DNAAF9: variants seen among roughly 807,000 people sequenced by gnomAD.
The protein encoded by DNAAF9 is shulin.
DNAAF9 carries 90 observed loss-of-function variants against 167.0 expected under a neutral mutation model. The ratio of observed to expected loss-of-function variants is 0.54; its 90% CI spans 0.45 to 0.64. The LOEUF (loss-of-function observed/expected upper bound fraction) is 0.64. DNAAF9 is among the 30% of genes least tolerant of loss of function. The pLI is 0.00. For missense variants in DNAAF9, 1,315 were observed against 1,442.2 expected (o/e 0.91, Z 1.43); for synonymous variants, 491 against 508.8 (o/e 0.96, Z 0.47).
chr20:3,397,600 G>C (rs576119573), intron 1 of DNAAF9, among the ~76,000 whole-genome samples: 30 of 152,296 alleles, frequency 2.0e-4, no homozygotes, highest in African/African-American at 7.2e-4. Flanking sequence ...TTACAGGCGT[G>C]AGCCACCACG....
At chr20:3,293,380 A>G (rs2069001496) in intron 25 of DNAAF9, among the ~76,000 whole-genome samples, 1 of 150,304 alleles carries the variant, frequency 6.7e-6, no homozygotes, top group Non-Finnish European at 1.5e-5. Context: ...GTGAGGCAAG[A>G]GCAGATTAAA....
intron 10 of DNAAF9, among the ~76,000 whole-genome samples, chr20:3,334,460 T>C (rs1287984806): frequency 6.6e-6 from 1 of 152,242 alleles, no homozygotes; most frequent in Non-Finnish European, 1.5e-5. Context: ...ATAGCATCCA[T>C]TCACTTACTG....
chr20:3,398,727 G>A (rs1205136520), intron 1 of DNAAF9, among the ~76,000 whole-genome samples: 3 of 152,218 alleles, frequency 2.0e-5, no homozygotes, highest in African/African-American at 7.2e-5. Context: ...CATTAATCTA[G>A]ACTTTCGGTG....
chr20:3,383,734 C>G (rs1478468359), intron 1 of DNAAF9, among the ~76,000 whole-genome samples: 1 of 152,042 alleles, frequency 6.6e-6, no homozygotes, highest in Non-Finnish European at 1.5e-5. Flanking sequence ...CACCTCAAAA[C>G]TGTATTTACA....
intron 1 of DNAAF9, among the ~76,000 whole-genome samples, chr20:3,383,925 A>G (rs1325448914): frequency 2.0e-5 from 3 of 151,880 alleles, no homozygotes; most frequent in African/African-American, 7.3e-5. Context: ...CAGTCCCCCA[A>G]GTAGCTGGGA....
At chr20:3,367,437 T>C (rs952005227) in intron 6 of DNAAF9, among the ~76,000 whole-genome samples, 27 of 152,208 alleles carry the variant, frequency 1.8e-4, no homozygotes, top group Admixed American at 4.6e-4. Context: ...GTGCAAGAGG[T>C]CTAGCTTTCA....
chr20:3,405,853 A>G (rs1401191359), intron 1 of DNAAF9, among the ~76,000 whole-genome samples: 1 of 152,210 alleles, frequency 6.6e-6, no homozygotes, highest in Non-Finnish European at 1.5e-5. Context: ...GCCTAGATTT[A>G]ACGGATGGCT....
chr20:3,279,788 G>A (rs140231024), intron 28 of DNAAF9, among the ~76,000 whole-genome samples: 316 of 152,336 alleles, frequency 2.1e-3, no homozygotes, highest in African/African-American at 6.8e-3. Context: ...CAGCTGGGAG[G>A]CAGCAGGGCT....
At chr20:3,260,066 G>A (rs900049860) in intron 31 of DNAAF9, 38 bp from the exon 32 acceptor site, 10 of 1,261,286 alleles carry the variant, frequency 7.9e-6, no homozygotes, top group East Asian at 2.3e-5. Flanking sequence ...CAGGCCGGGC[G>A]CGGTGGCTCA....
chr20:3,362,449 C>A, intron 6 of DNAAF9: 1 of 405,666 alleles, frequency 2.5e-6, no homozygotes, highest in Non-Finnish European at 4.3e-6. Flanking sequence ...TATTATTATT[C>A]TTAGAAGTAC....
chr20:3,262,869 T>A (rs1364094835), intron 31 of DNAAF9, among the ~76,000 whole-genome samples: 1 of 151,680 alleles, frequency 6.6e-6, no homozygotes, highest in Non-Finnish European at 1.5e-5. Flanking sequence ...ATGATTCAAA[T>A]CAGAGATTCC....
rs534315325 is a variant in DNAAF9, at chr20:3,303,654, G to A, written c.1782+786C>T. 2.6e-5 allele frequency among the ~76,000 whole-genome samples: 4 copies of A among 152,294 alleles called. No homozygotes were observed. The South Asian group carries it at 6.2e-4, about 24-fold the overall frequency. The stretch of plus-strand genomic sequence containing the variant: ...GAAGAAAAACTTGCTCACAGAATTC[G>A]TTTTCTGAGCCATCTGACCAAAATA... On this transcript the variant is annotated intron_variant, in intron 21 of 36. Coordinates refer to ENST00000252032, the MANE Select transcript of DNAAF9 (RefSeq NM_001009984.3).
Position 3,253,725 on chromosome 20 carries a change from C to T in DNAAF9, c.3421+1G>A, listed in dbSNP as rs1790768675. On this transcript the variant is annotated splice_donor_variant, in intron 36 of 36. Transcript: ENST00000252032. LOFTEE classifies it high-confidence loss of function. ...CAGGGACCACGCTGTTCCAAGGATA[C>T]GTGGGTGAAAATCAGTTTTGTCACC... 4 of 1,585,554 alleles carry T rather than the reference C, an allele frequency of 2.5e-6. No homozygotes were observed. The highest frequency in any genetic ancestry group is 3.3e-4 in the Middle Eastern group (2 of 6,018).
chr20:3,372,800 A>AC (rs201430680), intron 6 of DNAAF9, among the ~76,000 whole-genome samples: 1 of 152,058 alleles, frequency 6.6e-6, no homozygotes, highest in African/African-American at 2.4e-5. Flanking sequence ...TACTATACCT[A>AC]CCTCAGAGGG....
intron 16 of DNAAF9, among the ~76,000 whole-genome samples, chr20:3,321,755 T>A (rs762837244): frequency 3.9e-5 from 6 of 152,040 alleles, no homozygotes; most frequent in Non-Finnish European, 1.5e-5. Flanking sequence ...TTTTTTTTTT[T>A]AGACACGGGG....
At chr20:3,396,311 A>C (rs2083906268) in intron 1 of DNAAF9, among the ~76,000 whole-genome samples, 1 of 152,236 alleles carries the variant, frequency 6.6e-6, no homozygotes. Flanking sequence ...AAATCAAAGC[A>C]GTTTTCTCTC....
At chr20:3,280,582 AT>A (rs1301485410) in intron 28 of DNAAF9, among the ~76,000 whole-genome samples, 1 of 146,594 alleles carries the variant, frequency 6.8e-6, no homozygotes, top group Admixed American at 6.8e-5. Context: ...AAAAAAAAAA[AT>A]TTAAACAATG....
chr20:3,332,432 G>T, intron 10 of DNAAF9, 71 bp from the exon 11 acceptor site: 2 of 756,462 alleles, frequency 2.6e-6, no homozygotes, highest in Non-Finnish European at 4.6e-6. Flanking sequence ...TAAACAAAAA[G>T]TATAGAGTCA....
At chr20:3,262,413 G>A (rs1386702254) in intron 31 of DNAAF9, among the ~76,000 whole-genome samples, 1 of 151,938 alleles carries the variant, frequency 6.6e-6, no homozygotes, top group Admixed American at 6.6e-5. Context: ...ACCATGCCCG[G>A]CTAACTTTTG....
Sources: allele counts gnomAD v4.1 joint callset (sites outside exome capture counted in the v4.1 genomes callset), GRCh38; gene constraint gnomAD v4.1.1; transcripts MANE v1.5; gene names NCBI Gene and HGNC (gene_info 2026-07-23, HGNC 2026-07-21).